C6: variants seen among roughly 807,000 people sequenced by gnomAD.
C6 encodes the protein complement component C6.
Under a neutral mutation model 112.9 loss-of-function variants are expected in C6, and 101 were observed. The ratio of observed to expected loss-of-function variants is 0.89; its 90% CI spans 0.76 to 1.06. The LOEUF is 1.06. Ranked by LOEUF, C6 falls within the 50% of genes least tolerant of loss-of-function variation. The pLI is 0.00. For missense variants in C6, 1,202 were observed against 1,104.6 expected (o/e 1.09, Z -1.25); for synonymous variants, 431 against 384.1 (o/e 1.12, Z -1.43).
At position 41,232,142 on chromosome 5, in the gene C6, C is replaced by T. The variant is rs545654494; in HGVS notation, c.-20-28892G>A. ...TTCTTCTTAGCTTTGTTATATATTG[C>T]TTTCTGCTTTGTTTCTTAACCCTTC... On this transcript the variant is annotated intron_variant, in intron 1 of 17. Coordinates refer to the C6 transcript ENST00000263413. Among the ~76,000 whole-genome samples, 13 of 152,174 alleles carry T rather than the reference C, an allele frequency of 8.5e-5. No individual in the cohort carries two copies. In the South Asian group the frequency reaches 2.3e-3, roughly 27 times the overall value.
chr5:41,213,543 A>C (rs1418347251), upstream of C6: 6 of 985,260 alleles, frequency 6.1e-6, no homozygotes, highest in Admixed American at 6.2e-5. Context: ...AGCAACACCT[A>C]GAGGGTTGTC....
chr5:41,187,045 G>A (rs1383300844), intron 5 of C6, among the ~76,000 whole-genome samples: 6 of 152,000 alleles, frequency 3.9e-5, no homozygotes, highest in Admixed American at 2.0e-4. Context: ...TATAAAAATC[G>A]TTTTCTACAG....
At chr5:41,241,508 G>A (rs751138) in intron 1 of C6, among the ~76,000 whole-genome samples, 14,784 of 152,130 alleles carry the variant, frequency 0.097, 873 homozygotes, top group Non-Finnish European at 0.13. Flanking sequence ...AAGACTTTAC[G>A]GGTCATGCAG....
intron 1 of C6, among the ~76,000 whole-genome samples, chr5:41,234,370 T>G (rs1282300985): frequency 2.2e-5 from 3 of 134,450 alleles, no homozygotes; most frequent in South Asian, 2.3e-4. Context: ...TTTTGTTTTT[T>G]TTTTTTGCTT....
chr5:41,165,440 T>C (rs1747897623), intron 9 of C6, among the ~76,000 whole-genome samples: 1 of 152,292 alleles, frequency 6.6e-6, no homozygotes, highest in Non-Finnish European at 1.5e-5. Context: ...CCAATACTTG[T>C]TAATTTAAAT....
intron 9 of C6, among the ~76,000 whole-genome samples, chr5:41,163,578 T>C (rs1747731989): frequency 6.6e-6 from 1 of 152,208 alleles, no homozygotes; most frequent in African/African-American, 2.4e-5. Context: ...CCCAAAGTGC[T>C]GGGATTACAG....
intron 1 of C6, among the ~76,000 whole-genome samples, chr5:41,219,883 T>G (rs1282633036): frequency 6.6e-6 from 1 of 152,200 alleles, no homozygotes; most frequent in African/African-American, 2.4e-5. Flanking sequence ...CCCATTAACA[T>G]CACATGCTCT....
At chr5:41,244,961 T>G (rs1049821136) in intron 1 of C6, among the ~76,000 whole-genome samples, 1 of 152,244 alleles carries the variant, frequency 6.6e-6, no homozygotes, top group Admixed American at 6.5e-5. Flanking sequence ...TTGATTGATT[T>G]TTTAATGTTA....
chr5:41,155,198 T>G (rs1056117848), intron 13 of C6, 94 bp from the exon 14 acceptor site: 12 of 1,205,290 alleles, frequency 1.0e-5, no homozygotes, highest in Non-Finnish European at 1.5e-5. Context: ...CCTTCACTTC[T>G]GGATCTACTC....
chr5:41,252,007 A>G (rs890270740), intron 1 of C6, among the ~76,000 whole-genome samples: 7 of 152,206 alleles, frequency 4.6e-5, no homozygotes, highest in African/African-American at 1.7e-4. Context: ...ATGGCAAAAG[A>G]TTTTATAGCG....
At chr5:41,172,526 T>C in intron 8 of C6, 179 bp from the exon 9 acceptor site, 1 of 665,898 alleles carries the variant, frequency 1.5e-6, no homozygotes, top group Non-Finnish European at 2.7e-6. Context: ...CAATCCTGCA[T>C]GGGCCCAGAG....
At chr5:41,219,922 C>T (rs749726754) in intron 1 of C6, among the ~76,000 whole-genome samples, 4 of 152,168 alleles carry the variant, frequency 2.6e-5, no homozygotes, top group Non-Finnish European at 5.9e-5. Context: ...GGGAAGACAG[C>T]AGTTTCCAAT....
chr5:41,144,147 G>T (rs1468080569), intron 17 of C6, among the ~76,000 whole-genome samples: 1 of 152,106 alleles, frequency 6.6e-6, no homozygotes, highest in Non-Finnish European at 1.5e-5. Context: ...TATGTCATCT[G>T]CCTCTTTTGC....
At chr5:41,187,922 A>G (rs1749909855) in intron 5 of C6, among the ~76,000 whole-genome samples, 1 of 152,188 alleles carries the variant, frequency 6.6e-6, no homozygotes, top group African/African-American at 2.4e-5. Context: ...ACTAAGTTCA[A>G]AAGTAATTGC....
intron 1 of C6, among the ~76,000 whole-genome samples, chr5:41,234,735 A>G (rs1382679346): frequency 1.3e-5 from 2 of 152,196 alleles, no homozygotes; most frequent in African/African-American, 2.4e-5. Context: ...ACAATTAGTC[A>G]TGTTCACTAG....
chr5:41,235,233 G>A (rs1740204390), intron 1 of C6, among the ~76,000 whole-genome samples: 1 of 86,306 alleles, frequency 1.2e-5, no homozygotes, highest in Non-Finnish European at 2.2e-5. Context: ...CCCCTCCCCC[G>A]ACCCCACCAC....
intron 17 of C6, among the ~76,000 whole-genome samples, chr5:41,147,877 A>G (rs571675851): frequency 1.3e-5 from 2 of 152,188 alleles, no homozygotes; most frequent in Non-Finnish European, 2.9e-5. Context: ...GTCTATGGCC[A>G]GTAAACTTAG....
intron 1 of C6, among the ~76,000 whole-genome samples, chr5:41,223,995 C>A (rs1432453183): frequency 2.6e-5 from 4 of 152,042 alleles, no homozygotes; most frequent in African/African-American, 9.7e-5. Flanking sequence ...TTGGGTTTGA[C>A]AGTATCACAT....
At chr5:41,170,103 T>C (rs370460294) in intron 9 of C6, among the ~76,000 whole-genome samples, 1 of 152,112 alleles carries the variant, frequency 6.6e-6, no homozygotes, top group South Asian at 2.1e-4. Flanking sequence ...CAGAGACATA[T>C]TCTTATATAA....
Sources: gnomAD v4.1 joint callset for allele counts (sites outside exome capture counted in the v4.1 genomes callset) on GRCh38, gnomAD v4.1.1 for gene constraint, MANE v1.5 for transcripts, NCBI Gene and HGNC (gene_info 2026-07-23, HGNC 2026-07-21) for gene names.